CDIN1: variants seen among roughly 807,000 people sequenced by gnomAD.
The protein encoded by CDIN1 is CDAN1-interacting nuclease 1.
Under a neutral mutation model 45.3 loss-of-function variants are expected in CDIN1, and 33 were observed. The ratio of observed to expected loss-of-function variants is 0.73; its 90% CI spans 0.55 to 0.97. The LOEUF (loss-of-function observed/expected upper bound fraction) is 0.97. Ranked by LOEUF, CDIN1 falls within the 50% of genes least tolerant of loss-of-function variation. The pLI is 0.00. For missense variants in CDIN1, 303 were observed against 339.4 expected (o/e 0.89, Z 0.84); for synonymous variants, 118 against 124.4 (o/e 0.95, Z 0.34).
At chr15:36,638,210 A>G (rs1367196220) in intron 1 of CDIN1, among the ~76,000 whole-genome samples, 1 of 152,228 alleles carries the variant, frequency 6.6e-6, no homozygotes, top group Non-Finnish European at 1.5e-5. Context: ...TTTTAAATGT[A>G]TATGTGTGTG....
chr15:36,785,920 T>A (rs918028266), intron 10 of CDIN1, among the ~76,000 whole-genome samples: 1 of 152,156 alleles, frequency 6.6e-6, no homozygotes, highest in Admixed American at 6.5e-5. Flanking sequence ...TAAGAGACAT[T>A]TCAGAATATT....
At chr15:36,757,825 C>T (rs2053648029) in intron 10 of CDIN1, among the ~76,000 whole-genome samples, 1 of 140,002 alleles carries the variant, frequency 7.1e-6, no homozygotes, top group Non-Finnish European at 1.6e-5. Context: ...ATTCACCTCA[C>T]TTCATCTCAT....
chr15:36,694,055 A>G (rs1052542439), intron 7 of CDIN1, among the ~76,000 whole-genome samples: 7 of 152,244 alleles, frequency 4.6e-5, no homozygotes, highest in African/African-American at 9.6e-5. Context: ...TACAGATTTT[A>G]TAAGTTTTAT....
At chr15:36,661,521 T>C (rs886454753) in intron 5 of CDIN1, among the ~76,000 whole-genome samples, 2 of 152,290 alleles carry the variant, frequency 1.3e-5, no homozygotes, top group Admixed American at 1.3e-4. Flanking sequence ...TCTAATTGCA[T>C]TGAGAGTATA....
chr15:36,664,768 G>A (rs189473769), intron 5 of CDIN1, among the ~76,000 whole-genome samples: 4 of 152,122 alleles, frequency 2.6e-5, no homozygotes, highest in Non-Finnish European at 4.4e-5. Flanking sequence ...GGATGGTCTC[G>A]ATCTCCTGAC....
At chr15:36,774,163 T>TGTGTGTGGGTGTGTGTGTGCGCGCGC (rs149222188) in intron 10 of CDIN1, among the ~76,000 whole-genome samples, 1 of 143,070 alleles carries the variant, frequency 7.0e-6, no homozygotes, top group African/African-American at 2.7e-5. Flanking sequence ...TGTGTGTGTG[T>TGTGTGTGGGTGTGTGTGTGCGCGCGC]GCGCGCGCGC....
At chr15:36,679,207 A>C (rs1461286648) in intron 5 of CDIN1, among the ~76,000 whole-genome samples, 1 of 152,020 alleles carries the variant, frequency 6.6e-6, no homozygotes, top group African/African-American at 2.4e-5. Flanking sequence ...TGGGGATGTA[A>C]GATGGGAGTA....
In CDIN1 at chr15:36,714,910, A is replaced by G. The variant is rs113403995; in HGVS notation, c.716+4949A>G. On this transcript the variant is annotated intron_variant, in intron 10 of 10. Coordinates refer to ENST00000566621, the MANE Select transcript of CDIN1 (RefSeq NM_001321759.2). The stretch of plus-strand genomic sequence containing the variant: ...TGGAATGTGGCCTAGAAACTGGTTG[A>G]GGGAACAGGTGTCAGATGGGGATGT... 2.1e-3 allele frequency among the ~76,000 whole-genome samples: 315 copies of G among 152,306 alleles called. 1 individual carries two copies. The highest frequency in any genetic ancestry group is 7.0e-3 in the African/African-American group (289 of 41,582).
chr15:36,692,162 G>A lies in CDIN1; in HGVS notation c.463G>A (p.Asp155Asn). Residue 155 changes from aspartate (D) to asparagine (N), a missense_variant, in exon 7 of 11, where the codon GAC becomes AAC. By Grantham distance (23) the Asp-to-Asn change is conservative. Coordinates refer to ENST00000566621, the MANE Select transcript of CDIN1 (RefSeq NM_001321759.2). ...VNDCCYGPLV[D>N]CIKHAIGHEH... ...CGACTGCTGTTACGGACCACTAGTG[G>A]ACTGCATCAAGCAGTATCCTTTCCC... 1.2e-6 allele frequency: 2 copies of A among 1,613,730 alleles called. No homozygotes were observed. Among genetic ancestry groups the A allele is most frequent in the Non-Finnish European group, 1.7e-6 (2 of 1,179,810 alleles).
intron 1 of CDIN1, among the ~76,000 whole-genome samples, chr15:36,613,223 G>T (rs977299926): frequency 1.4e-4 from 22 of 152,178 alleles, no homozygotes; most frequent in Non-Finnish European, 4.4e-5. Flanking sequence ...CCCTTAAAAT[G>T]GATGTGTGTG....
At chr15:36,624,412 A>G (rs1250779121) in intron 1 of CDIN1, among the ~76,000 whole-genome samples, 1 of 152,208 alleles carries the variant, frequency 6.6e-6, no homozygotes, top group Non-Finnish European at 1.5e-5. Flanking sequence ...AAGGCATTCC[A>G]TTTGTTGTTT....
chr15:36,634,628 T>C (rs2085524884), intron 1 of CDIN1, among the ~76,000 whole-genome samples: 1 of 152,226 alleles, frequency 6.6e-6, no homozygotes, highest in Non-Finnish European at 1.5e-5. Flanking sequence ...TAGATCTTGC[T>C]GTTTTTATGT....
At chr15:36,808,205 C>T (rs927523708) in intron 10 of CDIN1, 119 bp from the exon 11 acceptor site, 204 of 1,462,110 alleles carry the variant, frequency 1.4e-4, no homozygotes, top group Middle Eastern at 7.3e-4. Flanking sequence ...ATGGTAGCAA[C>T]CAAAACAAAA....
At chr15:36,745,318 T>G (rs544991135) in intron 10 of CDIN1, among the ~76,000 whole-genome samples, 2 of 152,178 alleles carry the variant, frequency 1.3e-5, no homozygotes, top group Non-Finnish European at 2.9e-5. Flanking sequence ...GTACTGAACT[T>G]TTAAAGACAT....
At chr15:36,606,064 A>G (rs573234917) in intron 1 of CDIN1, among the ~76,000 whole-genome samples, 1 of 151,878 alleles carries the variant, frequency 6.6e-6, no homozygotes, top group East Asian at 1.9e-4. Context: ...GTGTTATCTT[A>G]CTCATGTTCC....
chr15:36,774,290 A>T (rs2054163771), intron 10 of CDIN1, among the ~76,000 whole-genome samples: 1 of 152,136 alleles, frequency 6.6e-6, no homozygotes, highest in Non-Finnish European at 1.5e-5. Context: ...CAAACTGGAA[A>T]TTCATCTAAA....
chr15:36,775,256 GT>G (rs1244973017), intron 10 of CDIN1, among the ~76,000 whole-genome samples: 1 of 152,186 alleles, frequency 6.6e-6, no homozygotes, highest in Non-Finnish European at 1.5e-5. Flanking sequence ...TGAAAGCCCA[GT>G]TTTATCTAGC....
intron 10 of CDIN1, chr15:36,747,151 C>T (rs2044475506): frequency 2.5e-6 from 1 of 393,722 alleles, no homozygotes; most frequent in African/African-American, 2.1e-5. Context: ...TTTCAACCAG[C>T]ATGTGTTTCC....
At chr15:36,752,477 A>C (rs1186450793) in intron 10 of CDIN1, among the ~76,000 whole-genome samples, 1 of 152,198 alleles carries the variant, frequency 6.6e-6, no homozygotes, top group African/African-American at 2.4e-5. Flanking sequence ...ATGTAAATGA[A>C]ATATCATATT....
Sources: allele counts gnomAD v4.1 joint callset (sites outside exome capture counted in the v4.1 genomes callset), GRCh38; gene constraint gnomAD v4.1.1; transcripts MANE v1.5; gene names NCBI Gene and HGNC (gene_info 2026-07-23, HGNC 2026-07-21).